The following FGF10 variants were observed in gnomAD, a reference collection of about 807,000 sequenced individuals.
FGF10 encodes FGF-10.
FGF10 carries 2 observed loss-of-function variants against 19.8 expected under a neutral mutation model. That is an observed-to-expected ratio of 0.10 (90% confidence interval 0.04 to 0.32). FGF10 has a LOEUF of 0.32. Among genes scored for constraint, FGF10 ranks in the 10% least tolerant of loss-of-function variants. The pLI is 1.00. For synonymous variants in FGF10, 112 were observed against 94.0 expected (o/e 1.19, Z -1.10); for missense variants, 191 against 246.3 (o/e 0.78, Z 1.50).
At chr5:44,345,661 T>C (rs1405519715) in intron 1 of FGF10, among the ~76,000 whole-genome samples, 1 of 150,500 alleles carries the variant, frequency 6.6e-6, no homozygotes, top group East Asian at 2.0e-4. Flanking sequence ...ATCGAACTTC[T>C]ACTTGCCTTT....
rs534558203 is a variant in FGF10 at position 44,324,610 on chromosome 5, T to A, written c.326-14080A>T. On this transcript the variant is annotated intron_variant, in intron 1 of 2. Coordinates refer to ENST00000264664, the MANE Select transcript of FGF10 (RefSeq NM_004465.2). ...TTAAATTGATTTTCTCAAATCTGAC[T>A]AGCTTATAAAGTGTTGTCAGATAAT... Among the ~76,000 whole-genome samples, 342 of 152,280 alleles carry A rather than the reference T, an allele frequency of 2.2e-3. 9 individuals carry two copies. Among genetic ancestry groups the A allele is most frequent in the Admixed American group, 0.022 (337 of 15,272 alleles).
chr5:44,308,440 G>A (rs1476708013), intron 2 of FGF10, among the ~76,000 whole-genome samples: 1 of 151,826 alleles, frequency 6.6e-6, no homozygotes. Flanking sequence ...AGGACGTTGG[G>A]TCTAGACTAA....
chr5:44,340,017 A>G (rs1398290378), intron 1 of FGF10, among the ~76,000 whole-genome samples: 1 of 152,156 alleles, frequency 6.6e-6, no homozygotes, highest in Admixed American at 6.6e-5. Context: ...GGAGTGAAGA[A>G]CTTTAGAAAG....
chr5:44,340,061 C>T (rs1312224862), intron 1 of FGF10, among the ~76,000 whole-genome samples: 1 of 152,082 alleles, frequency 6.6e-6, no homozygotes, highest in African/African-American at 2.4e-5. Flanking sequence ...CCACTTGCCA[C>T]TACTAAGCCA....
intron 1 of FGF10, among the ~76,000 whole-genome samples, chr5:44,332,933 C>G (rs1278936044): frequency 6.6e-6 from 1 of 151,864 alleles, no homozygotes; most frequent in Non-Finnish European, 1.5e-5. Context: ...ATTAAATCCA[C>G]CAGATTGAAA....
chr5:44,306,619 G>GA (rs1300894314), intron 2 of FGF10, among the ~76,000 whole-genome samples: 1 of 152,118 alleles, frequency 6.6e-6, no homozygotes, highest in Admixed American at 6.5e-5. Flanking sequence ...CCAAATTCCT[G>GA]AAAATGTATA....
intron 1 of FGF10, among the ~76,000 whole-genome samples, chr5:44,383,310 T>C (rs1166065829): frequency 1.3e-5 from 2 of 152,154 alleles, no homozygotes; most frequent in Non-Finnish European, 2.9e-5. Flanking sequence ...AGCTTTTCAC[T>C]CTAAACTGGA....
intron 1 of FGF10, among the ~76,000 whole-genome samples, chr5:44,345,798 C>T (rs1433078966): frequency 6.6e-6 from 1 of 151,748 alleles, no homozygotes; most frequent in African/African-American, 2.4e-5. Flanking sequence ...TGAGATATCA[C>T]TCTCTTGATT....
intron 1 of FGF10, among the ~76,000 whole-genome samples, chr5:44,324,010 CCTAT>C (rs1046144198): frequency 5.3e-5 from 8 of 151,986 alleles, no homozygotes; most frequent in African/African-American, 1.2e-4. Flanking sequence ...TATCTATCTA[CCTAT>C]CTATCTACAC....
rs2111663855 is a variant in FGF10, at chr5:44,304,483, C to T, written c.*512G>A. 1 of 159,830 alleles carries T rather than the reference C, an allele frequency of 6.3e-6. No individual in the cohort carries two copies. Among genetic ancestry groups the T allele is most frequent in the African/African-American group, 2.4e-5 (1 of 41,594 alleles). 9.9% of individuals were successfully genotyped at this position (159,830 alleles called of 1,614,324 possible). On this transcript the variant is annotated 3_prime_UTR_variant, in exon 3 of 3. Transcript: ENST00000264664. The stretch of plus-strand genomic sequence containing the variant: ...TATTTTTAAATTCTATTCAATTATT[C>T]CATGAGACCACATCCAGAACTCCTT...
At chr5:44,344,594 G>GTGTGTGTGTGTGTGTGTGTGTGTT (rs1741045042) in intron 1 of FGF10, among the ~76,000 whole-genome samples, 2 of 150,598 alleles carry the variant, frequency 1.3e-5, no homozygotes, top group African/African-American at 4.9e-5. Flanking sequence ...GTGTGTGTGT[G>GTGTGTGTGTGTGTGTGTGTGTGTT]TGTGTGTGTT....
chr5:44,308,278 A>T (rs996411515), intron 2 of FGF10, among the ~76,000 whole-genome samples: 1 of 152,234 alleles, frequency 6.6e-6, no homozygotes, highest in Non-Finnish European at 1.5e-5. Flanking sequence ...AAATATTTTT[A>T]TGTCAGAGTT....
intron 1 of FGF10, among the ~76,000 whole-genome samples, chr5:44,327,992 T>C (rs1239665789): frequency 6.6e-6 from 1 of 152,212 alleles, no homozygotes; most frequent in East Asian, 1.9e-4. Context: ...TACAGAGACA[T>C]TTCCTTAGAT....
At chr5:44,369,486 A>G (rs1037005943) in intron 1 of FGF10, among the ~76,000 whole-genome samples, 1 of 152,128 alleles carries the variant, frequency 6.6e-6, no homozygotes, top group Admixed American at 6.6e-5. Flanking sequence ...AGAAGAAGGG[A>G]AGAGCTCTCA....
intron 1 of FGF10, among the ~76,000 whole-genome samples, chr5:44,327,236 T>TGTTTACTG (rs1009554927): frequency 6.6e-6 from 1 of 152,220 alleles, no homozygotes. Flanking sequence ...CAATATTTGA[T>TGTTTACTG]GTTTACTGGG....
chr5:44,319,849 C>G (rs570364601), intron 1 of FGF10, among the ~76,000 whole-genome samples: 2 of 152,298 alleles, frequency 1.3e-5, no homozygotes, highest in East Asian at 3.9e-4. Flanking sequence ...GGGCCTCCAA[C>G]CACTGGGCCA....
intron 1 of FGF10, among the ~76,000 whole-genome samples, chr5:44,324,097 A>C (rs879875091): frequency 1.3e-5 from 2 of 152,148 alleles, no homozygotes; most frequent in Non-Finnish European, 2.9e-5. Context: ...TTGAAATTTC[A>C]TTATTTAAGA....
At chr5:44,335,905 T>C (rs1740837437) in intron 1 of FGF10, among the ~76,000 whole-genome samples, 1 of 152,062 alleles carries the variant, frequency 6.6e-6, no homozygotes, top group Non-Finnish European at 1.5e-5. Flanking sequence ...ATAACAGTAA[T>C]AACTTCAACA....
At chr5:44,376,518 C>CAAAAAAAAAAAAAAAAAAA (rs1265124775) in intron 1 of FGF10, among the ~76,000 whole-genome samples, 2 of 72,690 alleles carry the variant, frequency 2.8e-5, no homozygotes, top group Non-Finnish European at 5.5e-5. Flanking sequence ...AAAAAAAAAA[C>CAAAAAAAAAAAAAAAAAAA]AAAAAACCCA....
Sources: allele counts gnomAD v4.1 joint callset (sites outside exome capture counted in the v4.1 genomes callset), GRCh38; gene constraint gnomAD v4.1.1; transcripts MANE v1.5; gene names NCBI Gene and HGNC (gene_info 2026-07-23, HGNC 2026-07-21).